NCOR2: variants seen among roughly 807,000 people sequenced by gnomAD.
The protein encoded by NCOR2 is nuclear receptor corepressor 2.
NCOR2 carries 81 observed loss-of-function variants against 262.9 expected under a neutral mutation model. The observed-to-expected ratio is 0.31, with a 90% CI of 0.26 to 0.37. The LOEUF (loss-of-function observed/expected upper bound fraction) is 0.37, where lower values mean the gene tolerates loss of function less well. NCOR2 is among the 10% of genes least tolerant of loss of function. The probability of loss-of-function intolerance (pLI) is 1.00; values close to 1 mark genes in which losing one functional copy is unlikely to be tolerated. For synonymous variants in NCOR2, 1,659 were observed against 1,559.3 expected (o/e 1.06, Z -1.51); for missense variants, 3,385 against 3,621.4 (o/e 0.93, Z 1.68).
chr12:124,486,635 C>T, intron 1 of NCOR2, 67 bp from the exon 4 acceptor site: 2 of 1,507,954 alleles, frequency 1.3e-6, no homozygotes, highest in Non-Finnish European at 1.8e-6. Context: ...CGGCAGGGCA[C>T]AGTGGGCAAG....
chr12:124,366,583 T>G (rs2178082), intron 20 of NCOR2, among the ~76,000 whole-genome samples: 88,580 of 152,040 alleles, frequency 0.58, 26,976 homozygotes, highest in Middle Eastern at 0.67. Context: ...GTAATCTCAC[T>G]GCAGCCTTGA....
In NCOR2 at chr12:124,363,666, G is replaced by A; in HGVS notation, c.2928+13C>T. On this transcript the variant is annotated intron_variant, in intron 21 of 46. Coordinates refer to ENST00000405201, the Ensembl canonical transcript of NCOR2. The stretch of plus-strand genomic sequence containing the variant: ...AGGGTGGACTCTGTGGGGCTCTGGG[G>A]GTGGGCACTCACGATGGGGGGGATG... 7.3e-7 allele frequency: 1 copy of A among 1,371,256 alleles called. No individual in the cohort carries two copies. The highest frequency in any genetic ancestry group is 2.1e-5 in the South Asian group (1 of 48,676). 84.9% of individuals were successfully genotyped at this position (1,371,256 alleles called of 1,614,324 possible). A position where few individuals can be genotyped will look rare whatever the true frequency, so the allele number is the denominator to read the frequency against.
At chr12:124,401,285 T>G (rs903038258) in intron 14 of NCOR2, among the ~76,000 whole-genome samples, 1 of 151,894 alleles carries the variant, frequency 6.6e-6, no homozygotes, top group Admixed American at 6.6e-5. Context: ...TAAGGCCATG[T>G]GGACAGGTAG....
intron 25 of NCOR2, 66 bp downstream of exon 27, chr12:124,354,771 C>T (rs2271140): frequency 0.027 from 40,160 of 1,491,830 alleles, 1,134 homozygotes; most frequent in East Asian, 0.12. Flanking sequence ...CTTCCTCCCC[C>T]GCCCCACCCA....
intron 5 of NCOR2, among the ~76,000 whole-genome samples, chr12:124,463,917 A>G (rs1222283418): frequency 1.3e-5 from 2 of 151,550 alleles, no homozygotes; most frequent in Admixed American, 6.6e-5. Context: ...CCGCCTGAAT[A>G]TTTGCACAAT....
chr12:124,480,847 G>T (rs1314663902), intron 3 of NCOR2, among the ~76,000 whole-genome samples: 2 of 145,204 alleles, frequency 1.4e-5, no homozygotes, highest in African/African-American at 5.1e-5. Flanking sequence ...GGTAGGGGGT[G>T]GGGGAGCAAG....
rs1157266357 is a variant in NCOR2 at position 124,481,565 on chromosome 12, C to T, written c.411+2031G>A. On this transcript the variant is annotated intron_variant, in intron 3 of 46. Transcript: ENST00000405201. This position sits in a 1 kb window ranked among gnomAD's most constrained non-coding sequence, Gnocchi z 4.6. The stretch of plus-strand genomic sequence containing the variant: ...GGGGAGGGCGCTCCTGCGGAGGGCA[C>T]AGCCGGTGCAAAGGTCCCCAGGTGG... Among the ~76,000 whole-genome samples, 2 of 152,188 alleles carry T rather than the reference C, an allele frequency of 1.3e-5. No homozygotes were observed. Among genetic ancestry groups the T allele is most frequent in the African/African-American group, 4.8e-5 (2 of 41,448 alleles).
intron 1 of NCOR2, among the ~76,000 whole-genome samples, chr12:124,552,318 CA>C (rs112872214): frequency 2.9e-4 from 41 of 142,248 alleles, no homozygotes; most frequent in Middle Eastern, 7.0e-3. Flanking sequence ...GACCCTGTCT[CA>C]AAAAAAAAAA....
chr12:124,353,192 G>A (rs192978091), intron 27 of NCOR2, among the ~76,000 whole-genome samples: 265 of 152,290 alleles, frequency 1.7e-3, no homozygotes, highest in Middle Eastern at 3.4e-3. Context: ...AACTTCAAAG[G>A]TCCCTACGAC....
chr12:124,417,516 C>T (rs1005002490), intron 13 of NCOR2, among the ~76,000 whole-genome samples: 1 of 152,200 alleles, frequency 6.6e-6, no homozygotes, highest in African/African-American at 2.4e-5. Flanking sequence ...CAAGCCCAGC[C>T]TCAATGCCCC....
At chr12:124,446,740 G>A (rs746851608) in intron 7 of NCOR2, among the ~76,000 whole-genome samples, 2 of 152,076 alleles carry the variant, frequency 1.3e-5, no homozygotes, top group South Asian at 2.1e-4. Context: ...ATGATAACCA[G>A]ATTGAAATCT....
intron 1 of NCOR2, among the ~76,000 whole-genome samples, chr12:124,515,471 CG>C (rs746754236): frequency 5.9e-4 from 90 of 152,076 alleles, no homozygotes; most frequent in Middle Eastern, 3.4e-3. Context: ...CCTGAGACAA[CG>C]ACAATTCATC....
chr12:124,515,530 C>T (rs1310882758), intron 1 of NCOR2, among the ~76,000 whole-genome samples: 1 of 152,166 alleles, frequency 6.6e-6, no homozygotes, highest in Non-Finnish European at 1.5e-5. Flanking sequence ...CAGCCGTATG[C>T]AGATTGCAGC....
intron 16 of NCOR2, 49 bp downstream of exon 18, chr12:124,398,070 C>T (rs376174959): frequency 1.7e-4 from 275 of 1,607,770 alleles, no homozygotes; most frequent in African/African-American, 1.6e-3. Context: ...GAGCTTCAGG[C>T]GCCCTGGATG....
chr12:124,523,190 G>C lies in NCOR2; in HGVS notation c.-118+12375C>G, dbSNP rs904409879. On this transcript the variant is annotated intron_variant, in intron 1 of 46. Coordinates refer to the NCOR2 transcript ENST00000404621. The surrounding 1 kb of genome is among the most constrained non-coding windows in gnomAD (Gnocchi z 4.0). Reference sequence around the variant, plus strand: ...GTTGTTTTTATTTTTAAAAGGGGCCGCCCCCACCCACAGCAGCTGTGAGCT... The same window carrying C: ...GTTGTTTTTATTTTTAAAAGGGGCCCCCCCCACCCACAGCAGCTGTGAGCT... Among the ~76,000 whole-genome samples the C allele has an allele frequency of 6.6e-6, 1 of 152,124 alleles. No homozygotes were observed. The highest frequency in any genetic ancestry group is 1.9e-4 in the East Asian group (1 of 5,200).
chr12:124,430,608 C>CG lies in NCOR2; in HGVS notation c.1055+6dup. On this transcript the variant is annotated splice_region_variant and intron_variant, in intron 9 of 46. Coordinates refer to ENST00000405201, the Ensembl canonical transcript of NCOR2. ...CGTCGGGGGCCCTGGGCTCAGGCCC[C>CG]GCTCACCTCTGCATGCGCTCCTGCA... is the stretch of plus-strand genomic sequence containing the variant. The CG allele has an allele frequency of 6.2e-7, 1 of 1,606,644 alleles. No individual in the cohort carries two copies. Among genetic ancestry groups the CG allele is most frequent in the South Asian group, 1.1e-5 (1 of 90,350 alleles).
intron 1 of NCOR2, among the ~76,000 whole-genome samples, chr12:124,561,490 T>C (rs10773093): frequency 0.34 from 51,650 of 151,958 alleles, 10,174 homozygotes; most frequent in Middle Eastern, 0.5. Flanking sequence ...GGTACTGGCA[T>C]ATCTAGAACA....
chr12:124,437,477 C>T (rs896152830), intron 8 of NCOR2, among the ~76,000 whole-genome samples: 9 of 152,184 alleles, frequency 5.9e-5, no homozygotes, highest in Non-Finnish European at 5.9e-5. Context: ...AATGCTTGTC[C>T]ACTGTCTCAG....
At chr12:124,445,134 G>A (rs1402955622) in intron 7 of NCOR2, among the ~76,000 whole-genome samples, 1 of 152,224 alleles carries the variant, frequency 6.6e-6, no homozygotes, top group Non-Finnish European at 1.5e-5. Context: ...AGGCCTGAGG[G>A]GGCCGGTGAA....
Sources: gnomAD v4.1 joint callset for allele counts (sites outside exome capture counted in the v4.1 genomes callset) on GRCh38, gnomAD v4.1.1 for gene constraint, Gnocchi (gnomAD v3.1) non-coding constraint, MANE v1.5 for transcripts, NCBI Gene and HGNC (gene_info 2026-07-23, HGNC 2026-07-21) for gene names.